Variants in SATB1 observed in about 807,000 individuals in gnomAD.
SATB1 encodes the protein SATB homeobox 1, also known as DNA-binding protein SATB1.
A neutral mutation model predicts 86.9 loss-of-function variants in SATB1; 11 were observed. The observed-to-expected ratio is 0.13, with a 90% confidence interval of 0.08 to 0.21. The LOEUF is 0.21. Ranked by LOEUF, SATB1 falls within the 10% of genes least tolerant of loss-of-function variation. The probability of loss-of-function intolerance (pLI) is 1.00; values close to 1 mark genes in which losing one functional copy is unlikely to be tolerated. For synonymous variants in SATB1, 357 were observed against 357.2 expected (o/e 1.00, Z 0.01); for missense variants, 551 against 937.6 (o/e 0.59, Z 5.39).
At chr3:18,379,355 T>C (rs532683551) in intron 8 of SATB1, among the ~76,000 whole-genome samples, 1 of 152,252 alleles carries the variant, frequency 6.6e-6, no homozygotes, top group Admixed American at 6.5e-5. Flanking sequence ...GATGAAAATA[T>C]AAATGAAAAA....
chr3:18,445,103 C>T, intron 1 of SATB1: 1 of 587,780 alleles, frequency 1.7e-6, no homozygotes, highest in African/African-American at 2.0e-5. Flanking sequence ...GCACGCTGCG[C>T]CCGGGGGCTC....
intron 5 of SATB1, among the ~76,000 whole-genome samples, chr3:18,410,025 A>C (rs1170753371): frequency 6.6e-6 from 1 of 152,082 alleles, no homozygotes; most frequent in African/African-American, 2.4e-5. Context: ...AGGAAAGAGA[A>C]GTAACTGCAC....
exon 2 of SATB1, chr3:18,436,839 G>A (rs1042510824): frequency 1.3e-5 from 2 of 152,066 alleles, no homozygotes; most frequent in Non-Finnish European, 2.9e-5. Flanking sequence ...ATACTAGTGC[G>A]TTTTTAAGAG....
chr3:18,399,644 G>A lies in SATB1; in HGVS notation c.640-2354C>T, dbSNP rs185606152. Reference sequence around the variant, plus strand: ...TTAACCCTAAATTGGTAGGTTCTGGGCTTAAGTGCTTTTCTGTCACATGGT... The same window carrying A: ...TTAACCCTAAATTGGTAGGTTCTGGACTTAAGTGCTTTTCTGTCACATGGT... On this transcript the variant is annotated intron_variant, in intron 5 of 10. Transcript: ENST00000338745. Among the ~76,000 whole-genome samples, 116 of 152,254 alleles carry A rather than the reference G, an allele frequency of 7.6e-4. 1 individual carries two copies. Among genetic ancestry groups the A allele is most frequent in the African/African-American group, 2.8e-3 (115 of 41,532 alleles).
At chr3:18,419,990 C>A in intron 2 of SATB1, among the ~76,000 whole-genome samples, 1 of 152,148 alleles carries the variant, frequency 6.6e-6, no homozygotes, top group Non-Finnish European at 1.5e-5. Context: ...CATTGCTTAG[C>A]AAATGTAAGG....
chr3:18,386,665 G>A lies in SATB1; in HGVS notation c.1207-54C>T. 2 of 1,406,852 alleles carry A rather than the reference G, an allele frequency of 1.4e-6. No individual in the cohort carries two copies. Among genetic ancestry groups the A allele is most frequent in the Non-Finnish European group, 1.0e-6 (1 of 994,116 alleles). The allele number at this position is 1,406,852 out of a possible 1,614,324, so 87.1% of individuals were successfully genotyped here. On this transcript the variant is annotated intron_variant, in intron 7 of 10. Transcript: ENST00000338745. The surrounding 1 kb of genome is among the most constrained non-coding windows in gnomAD (Gnocchi z 4.5). The stretch of plus-strand genomic sequence containing the variant: ...CCTGCTGCCTTGCTTTGCCTGGCCA[G>A]CAGTGATCCTTCCCTTTTCTTCTCC...
chr3:18,362,823 A>C (rs995177251), intron 9 of SATB1, among the ~76,000 whole-genome samples: 1 of 149,108 alleles, frequency 6.7e-6, no homozygotes, highest in African/African-American at 2.4e-5. Flanking sequence ...ATGGTCATTA[A>C]GAAAAAATAT....
intron 9 of SATB1, among the ~76,000 whole-genome samples, chr3:18,353,767 T>C (rs1013973733): frequency 1.3e-4 from 20 of 152,214 alleles, no homozygotes; most frequent in African/African-American, 4.6e-4. Context: ...AACTGACATA[T>C]TGGCTTCCTA....
At chr3:18,368,218 T>C (rs929030870) in intron 9 of SATB1, among the ~76,000 whole-genome samples, 1 of 152,220 alleles carries the variant, frequency 6.6e-6, no homozygotes, top group Admixed American at 6.5e-5. Flanking sequence ...CAGGAGAGTG[T>C]TGTGATATAG....
chr3:18,368,440 T>C (rs981387971), intron 9 of SATB1, among the ~76,000 whole-genome samples: 12 of 152,144 alleles, frequency 7.9e-5, no homozygotes, highest in African/African-American at 2.9e-4. Context: ...CTGAAAGTTA[T>C]CGTGGAGTAA....
At chr3:18,382,286 G>T (rs1696105658) in intron 8 of SATB1, among the ~76,000 whole-genome samples, 1 of 152,170 alleles carries the variant, frequency 6.6e-6, no homozygotes, top group South Asian at 2.1e-4. Context: ...TACATAAAGA[G>T]ATGTAAAAAA....
chr3:18,413,216 T>C (rs949485516), intron 5 of SATB1, among the ~76,000 whole-genome samples: 2 of 152,108 alleles, frequency 1.3e-5, no homozygotes, highest in African/African-American at 4.8e-5. Context: ...ATGCAATTCA[T>C]TTTCCATGAT....
intron 9 of SATB1, among the ~76,000 whole-genome samples, chr3:18,375,372 C>CA (rs1312753217): frequency 6.6e-6 from 1 of 151,932 alleles, no homozygotes; most frequent in Non-Finnish European, 1.5e-5. Flanking sequence ...GGGTCTAGCA[C>CA]AAAAAAACAC....
At chr3:18,432,405 A>C (rs914728266) in intron 2 of SATB1, among the ~76,000 whole-genome samples, 7 of 152,174 alleles carry the variant, frequency 4.6e-5, no homozygotes, top group African/African-American at 1.7e-4. Context: ...TTGGAGGGAG[A>C]AAGAATTCGC....
chr3:18,365,020 TG>T (rs1695113152), intron 9 of SATB1, among the ~76,000 whole-genome samples: 1 of 152,116 alleles, frequency 6.6e-6, no homozygotes, highest in Admixed American at 6.6e-5. Flanking sequence ...AGAAGGTCCC[TG>T]CCCCCATTCA....
intron 2 of SATB1, among the ~76,000 whole-genome samples, chr3:18,434,174 C>T (rs1698982086): frequency 6.6e-6 from 1 of 152,056 alleles, no homozygotes; most frequent in Non-Finnish European, 1.5e-5. Flanking sequence ...CTCATCTCTT[C>T]TTTGAGGTAA....
chr3:18,442,581 TAC>T (rs1412385740), upstream of SATB1, among the ~76,000 whole-genome samples: 1 of 152,210 alleles, frequency 6.6e-6, no homozygotes, highest in Non-Finnish European at 1.5e-5. Flanking sequence ...ACACATTGTC[TAC>T]AGTGTATTTA....
chr3:18,381,979 G>C (rs1187457800), intron 8 of SATB1, among the ~76,000 whole-genome samples: 1 of 152,008 alleles, frequency 6.6e-6, no homozygotes, highest in Admixed American at 6.6e-5. Context: ...CAATTAATGG[G>C]ATGCATTTTA....
chr3:18,415,302 A>C, intron 4 of SATB1, 68 bp from the exon 5 acceptor site: 2 of 1,573,884 alleles, frequency 1.3e-6, no homozygotes, highest in Middle Eastern at 1.7e-4. Flanking sequence ...CATTCCTTTA[A>C]GACAGACAGA....
Sources: allele counts gnomAD v4.1 joint callset (sites outside exome capture counted in the v4.1 genomes callset), GRCh38; gene constraint gnomAD v4.1.1; non-coding constraint Gnocchi (gnomAD v3.1); transcripts MANE v1.5; gene names NCBI Gene and HGNC (gene_info 2026-07-23, HGNC 2026-07-21).